The following CSMD1 variants were observed in gnomAD, a reference collection of about 807,000 sequenced individuals.
CSMD1 encodes the protein CUB and sushi domain-containing protein 1.
A neutral mutation model predicts 417.5 loss-of-function variants in CSMD1; 213 were observed. The ratio of observed to expected loss-of-function variants is 0.51; its 90% CI spans 0.46 to 0.57. CSMD1 has a LOEUF of 0.57. Among genes scored for constraint, CSMD1 ranks in the 20% least tolerant of loss-of-function variants. The pLI is 0.00. For synonymous variants in CSMD1, 2,862 were observed against 1,736.8 expected (o/e 1.65, Z -16.11); for missense variants, 6,923 against 4,529.7 (o/e 1.53, Z -15.17).
At chr8:3,786,240 G>A (rs1351753637) in intron 5 of CSMD1, among the ~76,000 whole-genome samples, 2 of 152,104 alleles carry the variant, frequency 1.3e-5, no homozygotes, top group Non-Finnish European at 2.9e-5. Flanking sequence ...CTAAGACATT[G>A]TCGGGAGATG....
chr8:4,255,637 T>A (rs1454240624), intron 3 of CSMD1, among the ~76,000 whole-genome samples: 1 of 152,242 alleles, frequency 6.6e-6, no homozygotes, highest in African/African-American at 2.4e-5. Context: ...AACCTCGCAC[T>A]GCATCATTTA....
At chr8:3,587,369 A>G (rs1194069980) in intron 8 of CSMD1, among the ~76,000 whole-genome samples, 1 of 152,216 alleles carries the variant, frequency 6.6e-6, no homozygotes, top group East Asian at 1.9e-4. Context: ...TACAAGAGGA[A>G]ATTCTACTCA....
At chr8:4,303,231 C>T (rs577686651) in intron 3 of CSMD1, among the ~76,000 whole-genome samples, 47 of 152,160 alleles carry the variant, frequency 3.1e-4, no homozygotes, top group African/African-American at 1.1e-3. Flanking sequence ...TCATCTATTT[C>T]AGATAAGTAT....
In CSMD1 at chr8:3,936,652, T is replaced by C. The variant is rs183302499; in HGVS notation, c.818+61251A>G. Among the ~76,000 whole-genome samples, 8 of 152,298 alleles carry C rather than the reference T, an allele frequency of 5.3e-5. No homozygotes were observed. The East Asian group carries it at 1.5e-3, about 29-fold the overall frequency. On this transcript the variant is annotated intron_variant, in intron 5 of 69. Coordinates refer to ENST00000635120, the MANE Select transcript of CSMD1 (RefSeq NM_033225.6). ...GCTCAGAAAAAGATTCCTTTCTAAATATTGCTGCTCTTTAACAATGTACCT... is the reference window on the plus strand; with the variant it reads ...GCTCAGAAAAAGATTCCTTTCTAAACATTGCTGCTCTTTAACAATGTACCT...
At chr8:3,151,624 A>G in intron 39 of CSMD1, 111 bp from the exon 40 acceptor site, 1 of 671,156 alleles carries the variant, frequency 1.5e-6, no homozygotes, top group Non-Finnish European at 2.6e-6. Flanking sequence ...TTCGGAGTTA[A>G]TTCTGCCCCT....
chr8:3,008,103 G>T (rs1396440125), intron 52 of CSMD1, among the ~76,000 whole-genome samples: 1 of 152,164 alleles, frequency 6.6e-6, no homozygotes. Context: ...ACAGAGACTG[G>T]TAGCAAGATG....
At chr8:4,648,623 A>G (rs1280846933) in intron 1 of CSMD1, among the ~76,000 whole-genome samples, 1 of 152,182 alleles carries the variant, frequency 6.6e-6, no homozygotes, top group Non-Finnish European at 1.5e-5. Context: ...TAAAATCATG[A>G]TGCATATCAC....
chr8:3,924,242 G>T (rs887447716), intron 5 of CSMD1, among the ~76,000 whole-genome samples: 1 of 152,164 alleles, frequency 6.6e-6, no homozygotes, highest in Non-Finnish European at 1.5e-5. Context: ...GAAAGATGCT[G>T]ATGTTCTTGT....
intron 50 of CSMD1, among the ~76,000 whole-genome samples, chr8:3,051,740 G>C (rs1394572212): frequency 1.3e-5 from 2 of 152,090 alleles, no homozygotes; most frequent in African/African-American, 4.8e-5. Context: ...GAAAAATTGG[G>C]AAGTTACATT....
At chr8:3,341,458 C>G (rs7013989) in intron 23 of CSMD1, among the ~76,000 whole-genome samples, 1 of 152,032 alleles carries the variant, frequency 6.6e-6, no homozygotes, top group Non-Finnish European at 1.5e-5. Context: ...TGGAAATAGT[C>G]GGAGGAACAT....
At chr8:4,870,674 G>C (rs940886058) in intron 1 of CSMD1, among the ~76,000 whole-genome samples, 1 of 152,144 alleles carries the variant, frequency 6.6e-6, no homozygotes, top group Non-Finnish European at 1.5e-5. Flanking sequence ...GAGTACAGAA[G>C]TAGGGAGAGC....
chr8:4,689,186 G>A (rs1254210513), intron 1 of CSMD1, among the ~76,000 whole-genome samples: 1 of 152,084 alleles, frequency 6.6e-6, no homozygotes, highest in Non-Finnish European at 1.5e-5. Flanking sequence ...ATTTCAATAG[G>A]TTTATTCTTT....
At chr8:4,807,632 A>C (rs575904486) in intron 1 of CSMD1, among the ~76,000 whole-genome samples, 4 of 152,212 alleles carry the variant, frequency 2.6e-5, no homozygotes. Context: ...ATCCTAATAC[A>C]TATGAATATA....
intron 17 of CSMD1, among the ~76,000 whole-genome samples, chr8:3,393,660 T>C (rs1811483399): frequency 6.6e-6 from 1 of 151,920 alleles, no homozygotes; most frequent in East Asian, 1.9e-4. Context: ...TATGCAACCA[T>C]AAAAATTGAT....
At chr8:4,804,468 T>C (rs1012944048) in intron 1 of CSMD1, among the ~76,000 whole-genome samples, 1 of 151,604 alleles carries the variant, frequency 6.6e-6, no homozygotes, top group Non-Finnish European at 1.5e-5. Context: ...ATTTTTTTTT[T>C]TTTATTTAAA....
chr8:3,637,609 A>G (rs1797112774), intron 7 of CSMD1, among the ~76,000 whole-genome samples: 1 of 152,028 alleles, frequency 6.6e-6, no homozygotes, highest in Admixed American at 6.6e-5. Flanking sequence ...TACCTAGTAT[A>G]TACTGGGTGC....
At chr8:3,619,195 A>C (rs1802295516) in intron 7 of CSMD1, among the ~76,000 whole-genome samples, 1 of 152,176 alleles carries the variant, frequency 6.6e-6, no homozygotes, top group South Asian at 2.1e-4. Flanking sequence ...GGAAAAAAAT[A>C]AAAACAAAAA....
intron 50 of CSMD1, among the ~76,000 whole-genome samples, chr8:3,047,813 A>G (rs1003391668): frequency 5.3e-5 from 8 of 152,214 alleles, no homozygotes; most frequent in African/African-American, 1.9e-4. Flanking sequence ...ATGCAGAGGA[A>G]AACACTTGAG....
At chr8:3,017,806 T>TAAA (rs777717027) in intron 52 of CSMD1, among the ~76,000 whole-genome samples, 5 of 76,480 alleles carry the variant, frequency 6.5e-5, no homozygotes, top group East Asian at 3.8e-4. Flanking sequence ...TTGAGTGATT[T>TAAA]AAAAAAAAAA....
Sources: allele counts gnomAD v4.1 joint callset (sites outside exome capture counted in the v4.1 genomes callset), GRCh38; gene constraint gnomAD v4.1.1; transcripts MANE v1.5; gene names NCBI Gene and HGNC (gene_info 2026-07-23, HGNC 2026-07-21).